The following EFCAB11 variants were observed in gnomAD, a reference collection of about 807,000 sequenced individuals.
EFCAB11 encodes EF-hand calcium binding domain 11.
EFCAB11 carries 14 observed loss-of-function variants against 23.0 expected under a neutral mutation model. The ratio of observed to expected loss-of-function variants is 0.61; its 90% CI spans 0.40 to 0.95. EFCAB11 has a LOEUF of 0.95. Among genes scored for constraint, EFCAB11 ranks in the 40% least tolerant of loss-of-function variants. The pLI is 0.00. For synonymous variants in EFCAB11, 65 were observed against 66.6 expected (o/e 0.98, Z 0.11); for missense variants, 198 against 195.8 (o/e 1.01, Z -0.07).
upstream of EFCAB11, chr14:89,954,773 C>G: frequency 6.9e-7 from 1 of 1,449,894 alleles, no homozygotes; most frequent in Non-Finnish European, 9.3e-7. Flanking sequence ...CGAACTTCAC[C>G]GCGCAACTCC....
In EFCAB11 at chr14:89,837,000, C is replaced by T. The variant is rs757007726; in HGVS notation, c.411-39676G>A. The T allele has an allele frequency of 3.7e-5, 17 of 454,928 alleles. 2 individuals are homozygous for T. Among genetic ancestry groups the T allele is most frequent in the South Asian group, 1.4e-4 (9 of 64,462 alleles). The allele number at this position is 454,928 out of a possible 1,614,324, so 28.2% of individuals were successfully genotyped here. ...CTGTGCGACTGTACTCCAGCCTGGGCGACAGAGCGATACACTTGCCTGAGA... is the reference window on the plus strand; with the variant it reads ...CTGTGCGACTGTACTCCAGCCTGGGTGACAGAGCGATACACTTGCCTGAGA... On this transcript the variant is annotated intron_variant, in intron 5 of 5. Coordinates refer to ENST00000316738, the MANE Select transcript of EFCAB11 (RefSeq NM_145231.4).
At chr14:89,811,151 C>G (rs569163324) in intron 5 of EFCAB11, among the ~76,000 whole-genome samples, 27 of 151,936 alleles carry the variant, frequency 1.8e-4, no homozygotes, top group Non-Finnish European at 3.2e-4. Context: ...TGTGCAAGGT[C>G]CTTGTGGCAG....
At chr14:89,833,121 T>C (rs1886940909) in intron 5 of EFCAB11, 1 of 152,252 alleles carries the variant, frequency 6.6e-6, no homozygotes, top group Non-Finnish European at 1.5e-5. Flanking sequence ...TAATGGAATC[T>C]TGACTTTTTA....
At chr14:89,849,472 G>C (rs191024100) in intron 5 of EFCAB11, among the ~76,000 whole-genome samples, 1 of 152,204 alleles carries the variant, frequency 6.6e-6, no homozygotes, top group African/African-American at 2.4e-5. Context: ...CATCTACATG[G>C]AAAAGAATCT....
chr14:89,939,277 T>TAA (rs60362204), intron 3 of EFCAB11, among the ~76,000 whole-genome samples: 53 of 147,604 alleles, frequency 3.6e-4, no homozygotes, highest in African/African-American at 9.6e-4. Flanking sequence ...TTGCAGAGGT[T>TAA]AAAAAAAAAA....
intron 5 of EFCAB11, among the ~76,000 whole-genome samples, chr14:89,917,845 C>T (rs28736326): frequency 0.18 from 27,745 of 152,136 alleles, 5,940 homozygotes; most frequent in African/African-American, 0.52. Flanking sequence ...ATAGAAATGC[C>T]GTTGATGTGG....
chr14:89,836,636 C>A (rs1251088436), intron 5 of EFCAB11: 3 of 456,586 alleles, frequency 6.6e-6, no homozygotes, highest in African/African-American at 2.0e-5. Context: ...AAAACCTCTC[C>A]CTTCTAGCTC....
intron 5 of EFCAB11, among the ~76,000 whole-genome samples, chr14:89,929,041 A>ATATATATATTT (rs1890295877): frequency 7.0e-6 from 1 of 142,498 alleles, no homozygotes; most frequent in East Asian, 2.1e-4. Flanking sequence ...ATATATATAT[A>ATATATATATTT]TATACACACA....
intron 5 of EFCAB11, among the ~76,000 whole-genome samples, chr14:89,911,409 G>A (rs1244068233): frequency 1.3e-5 from 2 of 152,180 alleles, no homozygotes; most frequent in South Asian, 2.1e-4. Flanking sequence ...TAGGTCAGAC[G>A]TTATTTCAGA....
At chr14:89,831,026 G>A (rs1389045323) in intron 5 of EFCAB11, 3 of 152,466 alleles carry the variant, frequency 2.0e-5, no homozygotes, top group African/African-American at 7.2e-5. Context: ...ATTGGGTGGA[G>A]AAGAGACCTG....
At chr14:89,867,496 C>T (rs1888129467) in intron 5 of EFCAB11, among the ~76,000 whole-genome samples, 1 of 152,132 alleles carries the variant, frequency 6.6e-6, no homozygotes, top group African/African-American at 2.4e-5. Context: ...AGAGCCAGCC[C>T]CAGGGAACAA....
At chr14:89,801,654 A>G (rs1430597619) in intron 5 of EFCAB11, among the ~76,000 whole-genome samples, 1 of 152,220 alleles carries the variant, frequency 6.6e-6, no homozygotes, top group Non-Finnish European at 1.5e-5. Flanking sequence ...GAATTCCAAC[A>G]GTTTTCAAAT....
intron 5 of EFCAB11, among the ~76,000 whole-genome samples, chr14:89,800,012 C>A (rs1182182821): frequency 6.6e-6 from 1 of 152,026 alleles, no homozygotes; most frequent in Non-Finnish European, 1.5e-5. Context: ...GTGGTGAAAC[C>A]CAATCTCTAC....
rs200626268 is a variant in EFCAB11 at position 89,931,628 on chromosome 14, C to T, written c.323G>A (p.Arg108His). ...GAAATCTTCCAAAGTTAAAAATCCA[C>T]GATCTATTTGAAAACAATAAAAAAT... Reference protein sequence around the residue: ...HIFTAFDTYYRGFLTLEDFKK... With the variant: ...HIFTAFDTYYHGFLTLEDFKK... The change falls in exon 5 of 6, where the codon CGT becomes CAT. Residue 108 changes from arginine to histidine, a missense_variant. Transcript: ENST00000316738. 131 of 1,613,202 alleles carry T rather than the reference C, an allele frequency of 8.1e-5. 1 individual carries two copies. The highest frequency in any genetic ancestry group is 7.3e-4 in the South Asian group (66 of 90,968).
chr14:89,890,993 T>G (rs1888947044), intron 5 of EFCAB11, among the ~76,000 whole-genome samples: 1 of 152,222 alleles, frequency 6.6e-6, no homozygotes, highest in Admixed American at 6.5e-5. Context: ...TGAGAAGTTA[T>G]GAGTGTTGAC....
intron 3 of EFCAB11, among the ~76,000 whole-genome samples, chr14:89,935,152 C>T (rs551043699): frequency 6.6e-6 from 1 of 152,252 alleles, no homozygotes; most frequent in South Asian, 2.1e-4. Context: ...CCCGACGGCC[C>T]TTTGTTCATC....
chr14:89,940,324 T>C (rs897826101), intron 3 of EFCAB11, among the ~76,000 whole-genome samples: 1 of 152,164 alleles, frequency 6.6e-6, no homozygotes, highest in Non-Finnish European at 1.5e-5. Flanking sequence ...CTTTGTTCCA[T>C]AGGAGCCAAA....
intron 5 of EFCAB11, among the ~76,000 whole-genome samples, chr14:89,804,444 C>T (rs1039232143): frequency 1.3e-5 from 2 of 152,208 alleles, no homozygotes; most frequent in Non-Finnish European, 1.5e-5. Context: ...TGAGGTCATT[C>T]TCTTGGCTCA....
intron 5 of EFCAB11, among the ~76,000 whole-genome samples, chr14:89,858,965 G>A (rs1887839188): frequency 6.6e-6 from 1 of 152,156 alleles, no homozygotes; most frequent in Admixed American, 6.5e-5. Flanking sequence ...GAAAGAAACT[G>A]TAGTTTAAAA....
Sources: gnomAD v4.1 joint callset for allele counts (sites outside exome capture counted in the v4.1 genomes callset) on GRCh38, gnomAD v4.1.1 for gene constraint, MANE v1.5 for transcripts, NCBI Gene and HGNC (gene_info 2026-07-23, HGNC 2026-07-21) for gene names.